Variants in ST6GALNAC3 observed in about 807,000 individuals in gnomAD.
ST6GALNAC3 encodes the protein ST6 N-acetylgalactosaminide alpha-2,6-sialyltransferase 3.
ST6GALNAC3 carries 25 observed loss-of-function variants against 32.7 expected under a neutral mutation model. The ratio of observed to expected loss-of-function variants is 0.76; its 90% CI spans 0.56 to 1.07. ST6GALNAC3 has a LOEUF of 1.07. Ranked by LOEUF, ST6GALNAC3 falls within the 50% of genes least tolerant of loss-of-function variation. ST6GALNAC3 has a pLI of 0.00. For synonymous variants in ST6GALNAC3, 129 were observed against 133.1 expected (o/e 0.97, Z 0.21); for missense variants, 355 against 382.4 (o/e 0.93, Z 0.60).
At chr1:76,162,149 C>T (rs1349004398) in intron 1 of ST6GALNAC3, among the ~76,000 whole-genome samples, 2 of 152,184 alleles carry the variant, frequency 1.3e-5, no homozygotes. Context: ...TGTGAATGGG[C>T]ATGTTACTTA....
At chr1:76,508,095 G>A (rs779142744) in intron 3 of ST6GALNAC3, among the ~76,000 whole-genome samples, 7 of 152,034 alleles carry the variant, frequency 4.6e-5, no homozygotes, top group South Asian at 2.1e-4. Flanking sequence ...TAGTAGACTC[G>A]CCTTAGATCA....
chr1:76,097,322 A>T (rs1032708420), intron 1 of ST6GALNAC3, among the ~76,000 whole-genome samples: 20 of 152,088 alleles, frequency 1.3e-4, no homozygotes, highest in African/African-American at 3.6e-4. Context: ...CATAGGAGGG[A>T]CCTGGTGGGA....
intron 2 of ST6GALNAC3, among the ~76,000 whole-genome samples, chr1:76,360,587 A>G (rs1649850365): frequency 6.6e-6 from 1 of 152,230 alleles, no homozygotes; most frequent in Non-Finnish European, 1.5e-5. Flanking sequence ...GCTTAGTAAT[A>G]AAAATACAAC....
chr1:76,597,280 C>CATATAT (rs1647152414), intron 3 of ST6GALNAC3, among the ~76,000 whole-genome samples: 1 of 152,108 alleles, frequency 6.6e-6, no homozygotes, highest in East Asian at 1.9e-4. Flanking sequence ...GCTTGCTTAC[C>CATATAT]ATATATTTAT....
chr1:76,409,450 G>T (rs1222008933), intron 2 of ST6GALNAC3, among the ~76,000 whole-genome samples: 2 of 151,850 alleles, frequency 1.3e-5, no homozygotes, highest in Non-Finnish European at 2.9e-5. Context: ...TGAAATCAAA[G>T]AAACTAATTT....
intron 3 of ST6GALNAC3, among the ~76,000 whole-genome samples, chr1:76,544,470 T>C (rs1664171904): frequency 6.6e-6 from 1 of 152,166 alleles, no homozygotes; most frequent in Non-Finnish European, 1.5e-5. Context: ...TAGTTGGATT[T>C]AAAACATATC....
At chr1:76,175,571 A>C (rs1652799940) in intron 1 of ST6GALNAC3, among the ~76,000 whole-genome samples, 1 of 151,884 alleles carries the variant, frequency 6.6e-6, no homozygotes, top group Admixed American at 6.6e-5. Context: ...ACTTGGTTGA[A>C]AGATGAGTGA....
At chr1:76,158,388 A>T (rs1651600227) in intron 1 of ST6GALNAC3, among the ~76,000 whole-genome samples, 1 of 152,344 alleles carries the variant, frequency 6.6e-6, no homozygotes, top group East Asian at 1.9e-4. Flanking sequence ...TAGCGATTTG[A>T]AACCCAGAGC....
In ST6GALNAC3 at chr1:76,389,011, C is replaced by CTTTTTTTTTTTTTTTTTTTTTT. The variant is rs138986165; in HGVS notation, c.214-22997_214-22996insTTTTTTTTTTTTTTTTTTTTTT. 1.3e-4 allele frequency among the ~76,000 whole-genome samples: 14 copies of CTTTTTTTTTTTTTTTTTTTTTT among 107,910 alleles called. 6 individuals carry two copies. The highest frequency in any genetic ancestry group is 7.4e-5 in the African/African-American group (2 of 26,888). 70.8% of individuals were successfully genotyped at this position (107,910 alleles called of 152,430 possible). A position where few individuals can be genotyped will look rare whatever the true frequency, so the allele number is the denominator to read the frequency against. The stretch of plus-strand genomic sequence containing the variant: ...GGTGTGGTTGTTAGTTGGTATATTT[C>CTTTTTTTTTTTTTTTTTTTTTT]CTTTTTTTTTTTTTTTTGAGACAGA... On this transcript the variant is annotated intron_variant, in intron 2 of 4. Transcript: ENST00000328299.
chr1:76,563,272 T>C (rs975241402), intron 3 of ST6GALNAC3, among the ~76,000 whole-genome samples: 2 of 152,188 alleles, frequency 1.3e-5, no homozygotes, highest in African/African-American at 4.8e-5. Context: ...ATGTTAGGCC[T>C]TGAGCCAGAG....
At position 76,474,908 on chromosome 1, in the gene ST6GALNAC3, C is replaced by T. The variant is rs192612498; in HGVS notation, c.623+62491C>T. Among the ~76,000 whole-genome samples the T allele has an allele frequency of 7.2e-5, 11 of 152,264 alleles. No individual in the cohort carries two copies. The South Asian group carries it at 8.3e-4, about 11-fold the overall frequency. On this transcript the variant is annotated intron_variant, in intron 3 of 4. Transcript: ENST00000328299. ...AAATAAGAAAAGCAACATACACGCT[C>T]AACTAAAATTATCGTCATTCAAGAG...
intron 1 of ST6GALNAC3, among the ~76,000 whole-genome samples, chr1:76,143,306 T>C (rs555924884): frequency 1.3e-5 from 2 of 152,210 alleles, no homozygotes; most frequent in East Asian, 3.9e-4. Flanking sequence ...CATTTGGCAG[T>C]CCTATTAGCA....
chr1:76,576,781 A>C, intron 3 of ST6GALNAC3: 1 of 1,205,492 alleles, frequency 8.3e-7, no homozygotes, highest in Non-Finnish European at 1.1e-6. Flanking sequence ...TGATAGCTAA[A>C]GTAGTGATTT....
chr1:76,113,208 G>A (rs1463560477), intron 1 of ST6GALNAC3, among the ~76,000 whole-genome samples: 1 of 152,010 alleles, frequency 6.6e-6, no homozygotes, highest in Non-Finnish European at 1.5e-5. Context: ...GCGTGGCGGC[G>A]CGCGCCTGCA....
At chr1:76,404,276 C>A (rs1653653353) in intron 2 of ST6GALNAC3, among the ~76,000 whole-genome samples, 1 of 151,988 alleles carries the variant, frequency 6.6e-6, no homozygotes, top group South Asian at 2.1e-4. Flanking sequence ...GCTGCATTCA[C>A]TGGAAGATGC....
At chr1:76,421,356 G>T (rs1655018951) in intron 3 of ST6GALNAC3, among the ~76,000 whole-genome samples, 1 of 151,956 alleles carries the variant, frequency 6.6e-6, no homozygotes, top group Non-Finnish European at 1.5e-5. Context: ...TTGGGCACTG[G>T]GTTTTTAATA....
intron 3 of ST6GALNAC3, among the ~76,000 whole-genome samples, chr1:76,622,169 G>T (rs1648687873): frequency 6.7e-6 from 1 of 148,420 alleles, no homozygotes; most frequent in Non-Finnish European, 1.5e-5. Context: ...TTGAGCCAAA[G>T]GCCCCCAAAG....
At chr1:76,289,048 A>G (rs1331335216) in intron 1 of ST6GALNAC3, among the ~76,000 whole-genome samples, 2 of 152,212 alleles carry the variant, frequency 1.3e-5, no homozygotes, top group East Asian at 1.9e-4. Flanking sequence ...TCTAAGTGCC[A>G]TAAACTCCAA....
intron 1 of ST6GALNAC3, among the ~76,000 whole-genome samples, chr1:76,244,586 G>T (rs1331613706): frequency 6.6e-6 from 1 of 152,106 alleles, no homozygotes; most frequent in African/African-American, 2.4e-5. Context: ...TTATGGATTT[G>T]TTATAAATAG....
Sources: allele counts gnomAD v4.1 joint callset (sites outside exome capture counted in the v4.1 genomes callset), GRCh38; gene constraint gnomAD v4.1.1; transcripts MANE v1.5; gene names NCBI Gene and HGNC (gene_info 2026-07-23, HGNC 2026-07-21).